ZFP90: variants seen among roughly 807,000 people sequenced by gnomAD.
The protein encoded by ZFP90 is zinc finger protein 90 homolog.
Under a neutral mutation model 60.8 loss-of-function variants are expected in ZFP90, and 38 were observed. That is an observed-to-expected ratio of 0.62 (90% CI 0.48 to 0.82). The LOEUF (loss-of-function observed/expected upper bound fraction) is 0.82. ZFP90 is among the 40% of genes least tolerant of loss of function. The pLI is 0.00. For synonymous variants in ZFP90, 287 were observed against 264.8 expected, an observed-to-expected ratio of 1.08 and a Z score of -0.82; for missense variants, 711 against 759.1, an observed-to-expected ratio of 0.94 and a Z score of 0.74.
chr16:68,548,695 G>A (rs2091199954), intron 2 of ZFP90, among the ~76,000 whole-genome samples: 1 of 151,896 alleles, frequency 6.6e-6, no homozygotes, highest in Admixed American at 6.6e-5. Context: ...TCTCCATGTT[G>A]GTCAGGCTGG....
intron 2 of ZFP90, among the ~76,000 whole-genome samples, chr16:68,549,863 C>T (rs2091228213): frequency 6.6e-6 from 1 of 151,820 alleles, no homozygotes; most frequent in South Asian, 2.1e-4. Flanking sequence ...TCCTGTGGAA[C>T]TGAGGGAAGA....
Position 68,575,357 on chromosome 16 carries a change from G to C in ZFP90, c.224-434G>C, listed in dbSNP as rs1417025782. The stretch of plus-strand genomic sequence containing the variant: ...CATCCAAGAAGAATGAGGTTATGCT[G>C]ACAACTGAAGGGTGAGGAGGGCAGA... On this transcript the variant is annotated intron_variant, in intron 2 of 2. Coordinates refer to the ZFP90 transcript ENST00000573113. Among the ~76,000 whole-genome samples, 5 of 152,078 alleles carry C rather than the reference G, an allele frequency of 3.3e-5. No individual in the cohort carries two copies. In the South Asian group the frequency reaches 8.3e-4, roughly 25 times the overall value.
chr16:68,546,843 CT>C (rs1270175210), intron 2 of ZFP90, among the ~76,000 whole-genome samples: 1 of 152,158 alleles, frequency 6.6e-6, no homozygotes, highest in Non-Finnish European at 1.5e-5. Flanking sequence ...TTGTGGCTGG[CT>C]TATTTCACTT....
At chr16:68,553,833 C>G (rs1402463614) in intron 2 of ZFP90, among the ~76,000 whole-genome samples, 1 of 152,108 alleles carries the variant, frequency 6.6e-6, no homozygotes, top group Non-Finnish European at 1.5e-5. Context: ...CTGTGTTGCC[C>G]AGGCTGGTCT....
chr16:68,559,005 A>G (rs772356894), intron 4 of ZFP90, among the ~76,000 whole-genome samples: 3 of 151,896 alleles, frequency 2.0e-5, no homozygotes, highest in Non-Finnish European at 2.9e-5. Context: ...CCTTGCCACC[A>G]TCTTCCTTCC....
chr16:68,553,087 A>G (rs2091286800), intron 2 of ZFP90, among the ~76,000 whole-genome samples: 1 of 152,156 alleles, frequency 6.6e-6, no homozygotes, highest in Non-Finnish European at 1.5e-5. Flanking sequence ...TGGAGCACCT[A>G]CTACATGTCA....
downstream of ZFP90, among the ~76,000 whole-genome samples, chr16:68,570,089 A>C (rs2091560019): frequency 6.6e-6 from 1 of 150,660 alleles, no homozygotes; most frequent in Non-Finnish European, 1.5e-5. Context: ...CCCTCTCCCT[A>C]CCTACCACTC....
chr16:68,572,171 GACAA>G (rs2091572291), intron 2 of ZFP90, among the ~76,000 whole-genome samples: 1 of 107,028 alleles, frequency 9.3e-6, no homozygotes, highest in Non-Finnish European at 1.9e-5. Context: ...ATGACCAGCT[GACAA>G]ACACTTTTTT....
intron 2 of ZFP90, among the ~76,000 whole-genome samples, chr16:68,551,787 C>G (rs972608448): frequency 6.6e-6 from 1 of 151,898 alleles, no homozygotes; most frequent in Non-Finnish European, 1.5e-5. Flanking sequence ...TAGGCAGAGT[C>G]TGGCTCTGTC....
At chr16:68,573,204 G>T (rs930899191) in intron 2 of ZFP90, among the ~76,000 whole-genome samples, 2 of 152,248 alleles carry the variant, frequency 1.3e-5, no homozygotes, top group Non-Finnish European at 2.9e-5. Flanking sequence ...GTCAATGGCT[G>T]CTCTGCCAAA....
chr16:68,545,651 A>C (rs1415743851), intron 2 of ZFP90, among the ~76,000 whole-genome samples: 1 of 151,526 alleles, frequency 6.6e-6, no homozygotes, highest in African/African-American at 2.4e-5. Context: ...CGTCTCTAAT[A>C]AAAATACAAA....
chr16:68,569,343 G>C (rs1316473468), downstream of ZFP90, among the ~76,000 whole-genome samples: 1 of 151,374 alleles, frequency 6.6e-6, no homozygotes, highest in Non-Finnish European at 1.5e-5. Context: ...CACCATGTTG[G>C]TCAGGCTAGT....
At chr16:68,552,922 C>T (rs113378192) in intron 2 of ZFP90, among the ~76,000 whole-genome samples, 28 of 152,008 alleles carry the variant, frequency 1.8e-4, no homozygotes, top group African/African-American at 6.5e-4. Context: ...TATGGTGGCA[C>T]ACACCTGTGG....
Position 68,563,202 on chromosome 16 carries a change from G to A in ZFP90, c.415G>A (p.Gly139Arg). 6.2e-7 allele frequency: 1 copy of A among 1,614,040 alleles called. No individual in the cohort carries two copies. The highest frequency in any genetic ancestry group is 1.1e-5 in the South Asian group (1 of 91,062). The part of the protein sequence containing the change: ...RQQENWKRHL[G>R]SEASTQKKII... ...ACAGGAAAACTGGAAGAGACATCTG[G>A]GATCAGAGGCATCCACCCAGAAGAA... Residue 139 changes from glycine to arginine, a missense_variant, in exon 5 of 5, where the codon GGA becomes AGA. By Grantham distance (125) the Gly-to-Arg change is moderately radical. Around this residue, in one of 5 missense-constraint regions of ZFP90, gnomAD observed 241 missense variants for 247.6 expected, o/e 0.97. Transcript: ENST00000563169.
chr16:68,576,007 G>T, exon 3 of ZFP90: 1 of 356,898 alleles, frequency 2.8e-6, no homozygotes, highest in Non-Finnish European at 4.9e-6. Context: ...AGCAGCAAAT[G>T]TTCCCCTTGC....
At chr16:68,571,203 G>A (rs2152078566), downstream of ZFP90, among the ~76,000 whole-genome samples, 1 of 152,294 alleles carries the variant, frequency 6.6e-6, no homozygotes, top group East Asian at 1.9e-4. Context: ...TTTGAGGGAA[G>A]GGAAATAGGT....
intron 2 of ZFP90, among the ~76,000 whole-genome samples, chr16:68,543,092 C>T (rs2091081224): frequency 6.6e-6 from 1 of 152,068 alleles, no homozygotes; most frequent in Non-Finnish European, 1.5e-5. Flanking sequence ...TAAGCCTTAT[C>T]CTTATTGAGA....
intron 2 of ZFP90, among the ~76,000 whole-genome samples, chr16:68,551,996 G>A (rs698709): frequency 0.77 from 115,130 of 150,448 alleles, 44,025 homozygotes; most frequent in East Asian, 0.82. Context: ...TCCTGATCTC[G>A]TGATCCACCC....
intron 2 of ZFP90, 117 bp downstream of exon 2, chr16:68,539,942 G>A (rs2091009937): frequency 1.4e-6 from 2 of 1,387,868 alleles, no homozygotes; most frequent in Non-Finnish European, 9.7e-7. Flanking sequence ...TGCTTGGCTC[G>A]ATCGGAGCCT....
Sources: allele counts gnomAD v4.1 joint callset (sites outside exome capture counted in the v4.1 genomes callset), GRCh38; gene constraint gnomAD v4.1.1; regional missense constraint gnomAD v4.1.1; transcripts MANE v1.5; gene names NCBI Gene and HGNC (gene_info 2026-07-23, HGNC 2026-07-21).